RCOR1: variants seen among roughly 807,000 people sequenced by gnomAD.
RCOR1 encodes REST corepressor 1.
In RCOR1, 12 loss-of-function variants were observed where a neutral mutation model predicts 64.0. The observed-to-expected ratio is 0.19, with a 90% CI of 0.12 to 0.30. RCOR1 has a LOEUF of 0.30. RCOR1 is among the 10% of genes least tolerant of loss of function. The pLI is 1.00. For synonymous variants in RCOR1, 279 were observed against 227.2 expected (o/e 1.23, Z -2.05); for missense variants, 502 against 621.2 (o/e 0.81, Z 2.04).
chr14:102,688,172 G>A (rs749724041), intron 3 of RCOR1, among the ~76,000 whole-genome samples: 15 of 152,112 alleles, frequency 9.9e-5, no homozygotes, highest in African/African-American at 3.6e-4. Flanking sequence ...TACCATGTTG[G>A]CCAGGCTGGT....
At chr14:102,711,147 A>G in intron 7 of RCOR1, 134 bp downstream of exon 7, 1 of 616,164 alleles carries the variant, frequency 1.6e-6, no homozygotes, top group Non-Finnish European at 2.8e-6. Context: ...CTATTTTTCA[A>G]CAATACTGTC....
intron 2 of RCOR1, chr14:102,657,134 T>C (rs1377292294): frequency 2.2e-5 from 21 of 966,356 alleles, no homozygotes; most frequent in Non-Finnish European, 2.5e-5. Flanking sequence ...AGGTTGACTA[T>C]GTAAACCCAA....
At chr14:102,675,442 C>G (rs968920167) in intron 2 of RCOR1, among the ~76,000 whole-genome samples, 1 of 152,126 alleles carries the variant, frequency 6.6e-6, no homozygotes, top group Non-Finnish European at 1.5e-5. Flanking sequence ...TAACAATATG[C>G]CAACATCGCC....
At chr14:102,720,502 CATT>C (rs1269938671) in intron 8 of RCOR1, among the ~76,000 whole-genome samples, 1 of 152,228 alleles carries the variant, frequency 6.6e-6, no homozygotes, top group Non-Finnish European at 1.5e-5. Flanking sequence ...GCCCCCCCAT[CATT>C]AAAGAAATCT....
intron 2 of RCOR1, chr14:102,649,690 A>AT: frequency 1.1e-5 from 6 of 551,648 alleles, no homozygotes; most frequent in Non-Finnish European, 1.4e-5. Flanking sequence ...CTGTGGGGTA[A>AT]TTCTGGTGTT....
rs555000064 is a variant in RCOR1 at position 102,593,080 on chromosome 14, C to T, written c.194C>T (p.Pro65Leu). The T allele has an allele frequency of 4.2e-6, 6 of 1,442,068 alleles. No homozygotes were observed. Among genetic ancestry groups the T allele is most frequent in the Non-Finnish European group, 5.5e-6 (6 of 1,094,222 alleles). The allele number at this position is 1,442,068 out of a possible 1,614,324, so 89.3% of individuals were successfully genotyped here. The change falls in exon 1 of 12, where the codon CCC (proline) becomes CTC (leucine). Residue 65 changes from proline (P) to leucine (L), a missense_variant. Transcript: ENST00000262241. The part of the protein sequence containing the change: ...SAAAASAAAA[P>L]NNGQNKSLAA... ...GCCGCCGCCTCAGCCGCCGCCGCCC[C>T]CAATAATGGCCAGAATAAAAGTTTG...
chr14:102,665,071 C>T (rs960742016), intron 2 of RCOR1, among the ~76,000 whole-genome samples: 2 of 151,926 alleles, frequency 1.3e-5, no homozygotes, highest in East Asian at 1.9e-4. Flanking sequence ...AATGCAGTGG[C>T]GCAATCTCAC....
At chr14:102,691,033 C>A (rs756203707) in intron 3 of RCOR1, among the ~76,000 whole-genome samples, 4 of 152,190 alleles carry the variant, frequency 2.6e-5, no homozygotes, top group Non-Finnish European at 4.4e-5. Flanking sequence ...TTGTCCCTTA[C>A]CTTGTGGCTA....
In RCOR1 at chr14:102,592,881, C is replaced by T. The variant is rs769133084; in HGVS notation, c.-6C>T. The T allele has an allele frequency of 9.0e-6, 11 of 1,226,916 alleles. No homozygotes were observed. Among genetic ancestry groups the T allele is most frequent in the Non-Finnish European group, 3.1e-6 (3 of 982,230 alleles). The allele number at this position is 1,226,916 out of a possible 1,614,324, so 76.0% of individuals were successfully genotyped here. ...CGCCACTTTCGCACGGCCCCGGCCC[C>T]CGCCGATGCCGGCCATGGTGGAGAA... is the stretch of plus-strand genomic sequence containing the variant. On this transcript the variant is annotated 5_prime_UTR_variant, in exon 1 of 12. Transcript: ENST00000262241.
intron 2 of RCOR1, among the ~76,000 whole-genome samples, chr14:102,598,873 A>T (rs1893324526): frequency 6.9e-6 from 1 of 144,986 alleles, no homozygotes; most frequent in Admixed American, 6.9e-5. Flanking sequence ...TTAAAGAGTT[A>T]AAAAAAAAAA....
At chr14:102,595,167 A>AGAG (rs1893216199) in intron 2 of RCOR1, among the ~76,000 whole-genome samples, 1 of 152,210 alleles carries the variant, frequency 6.6e-6, no homozygotes, top group South Asian at 2.1e-4. Context: ...TTGTTGGAAT[A>AGAG]GATATGAGCA....
intron 2 of RCOR1, among the ~76,000 whole-genome samples, chr14:102,620,069 T>G (rs139656228): frequency 1.3e-5 from 2 of 152,250 alleles, no homozygotes; most frequent in East Asian, 3.9e-4. Flanking sequence ...TACAGTAGCT[T>G]TCTTGTAAAT....
chr14:102,717,431 C>T (rs1896088476), intron 8 of RCOR1, among the ~76,000 whole-genome samples: 2 of 152,332 alleles, frequency 1.3e-5, no homozygotes, highest in South Asian at 2.1e-4. Context: ...CTCAGAGGAG[C>T]GGCTTCTTCT....
intron 2 of RCOR1, among the ~76,000 whole-genome samples, chr14:102,604,445 A>G (rs1401849957): frequency 6.6e-6 from 1 of 152,176 alleles, no homozygotes; most frequent in Non-Finnish European, 1.5e-5. Context: ...AGAATGATCT[A>G]TCCAGGTTGC....
chr14:102,609,525 C>T (rs1259919194), intron 2 of RCOR1, among the ~76,000 whole-genome samples: 4 of 151,586 alleles, frequency 2.6e-5, no homozygotes, highest in Admixed American at 1.3e-4. Flanking sequence ...CTGCAGTTTC[C>T]GCCTTCCAGG....
chr14:102,611,275 G>T lies in RCOR1; in HGVS notation c.361+17950G>T, dbSNP rs76479108. On this transcript the variant is annotated intron_variant, in intron 2 of 11. Coordinates refer to ENST00000262241, the MANE Select transcript of RCOR1 (RefSeq NM_015156.4). Reference sequence around the variant, plus strand: ...GTTAGTAGAGATAGGGTTTCACCATGTTGGCCAGGCTGGTCTCTCCTGACC... The same window carrying T: ...GTTAGTAGAGATAGGGTTTCACCATTTTGGCCAGGCTGGTCTCTCCTGACC... 6.1e-3 allele frequency among the ~76,000 whole-genome samples: 921 copies of T among 152,162 alleles called. 9 individuals are homozygous for T. The highest frequency in any genetic ancestry group is 0.021 in the African/African-American group (888 of 41,534).
Position 102,681,997 on chromosome 14 carries a change from T to C in RCOR1, c.445+19T>C. On this transcript the variant is annotated intron_variant, in intron 3 of 11. Coordinates refer to ENST00000262241, the MANE Select transcript of RCOR1 (RefSeq NM_015156.4). Reference sequence around the variant, plus strand: ...GCAAAGTGTAAGTCTTGGAGCACTTTATTTTCCACCTTTCTTGTTTAATGT... The same window carrying C: ...GCAAAGTGTAAGTCTTGGAGCACTTCATTTTCCACCTTTCTTGTTTAATGT... 2 of 1,569,932 alleles carry C rather than the reference T, an allele frequency of 1.3e-6. No individual in the cohort carries two copies. Among genetic ancestry groups the C allele is most frequent in the East Asian group, 4.5e-5 (2 of 44,686 alleles).
chr14:102,656,940 T>A, intron 2 of RCOR1: 1 of 227,852 alleles, frequency 4.4e-6, no homozygotes, highest in Non-Finnish European at 7.2e-6. Context: ...CATGCATGGC[T>A]CATTTTTGTA....
intron 2 of RCOR1, among the ~76,000 whole-genome samples, chr14:102,610,232 A>G (rs1014560754): frequency 6.6e-6 from 1 of 152,062 alleles, no homozygotes; most frequent in Non-Finnish European, 1.5e-5. Flanking sequence ...TAAGCTGTAC[A>G]TGTTATAAAA....
Sources: gnomAD v4.1 joint callset for allele counts (sites outside exome capture counted in the v4.1 genomes callset) on GRCh38, gnomAD v4.1.1 for gene constraint, MANE v1.5 for transcripts, NCBI Gene and HGNC (gene_info 2026-07-23, HGNC 2026-07-21) for gene names.